The following NHS variants were observed in gnomAD, a reference collection of about 807,000 sequenced individuals.
The protein encoded by NHS is NHS actin remodeling regulator.
NHS carries 5 observed loss-of-function variants against 72.5 expected under a neutral mutation model. The observed-to-expected ratio is 0.07, with a 90% CI of 0.04 to 0.14. The LOEUF (loss-of-function observed/expected upper bound fraction) is 0.14. Ranked by LOEUF, NHS falls within the 10% of genes least tolerant of loss-of-function variation. The pLI is 1.00. For synonymous variants in NHS, 464 were observed against 547.7 expected (o/e 0.85, Z 2.13); for missense variants, 1,072 against 1,355.7 (o/e 0.79, Z 3.29).
At chrX:17,389,428 A>G (rs1436727897) in intron 1 of NHS, among the ~76,000 whole-genome samples, 1 of 111,022 alleles carries the variant, frequency 9.0e-6, no homozygotes, top group Non-Finnish European at 1.9e-5. Context: ...ATCCAAGACA[A>G]ATTGAAATAG....
At chrX:17,526,021 T>A (rs757593889) in intron 1 of NHS, among the ~76,000 whole-genome samples, 2 of 112,464 alleles carry the variant, frequency 1.8e-5, no homozygotes, top group Non-Finnish European at 3.8e-5. Context: ...GGAATGTGCA[T>A]GTGTGTATAC....
At chrX:17,434,766 C>T (rs1037951645) in intron 1 of NHS, among the ~76,000 whole-genome samples, 1 of 111,777 alleles carries the variant, frequency 8.9e-6, no homozygotes, top group Non-Finnish European at 1.9e-5. Context: ...TATTAAGCAC[C>T]TACTCTGGCC....
At chrX:17,678,293 TGAGAGA>T (rs756746897) in intron 1 of NHS, among the ~76,000 whole-genome samples, 2 of 101,868 alleles carry the variant, frequency 2.0e-5, no homozygotes, top group Non-Finnish European at 4.0e-5. Context: ...TGTGTGTGTG[TGAGAGA>T]GAGAGAGAGA....
At chrX:17,719,127 AAGG>A (rs2066389654) in intron 3 of NHS, 1 of 316,596 alleles carries the variant, frequency 3.2e-6, no homozygotes, top group Admixed American at 4.9e-5. Context: ...AGGAAGAAAT[AAGG>A]AGAAGAAAGG....
intron 3 of NHS, 58 bp downstream of exon 3, chrX:17,692,526 C>G (rs2066203621): frequency 8.4e-7 from 1 of 1,196,758 alleles, no homozygotes; most frequent in East Asian, 3.0e-5. Flanking sequence ...ATCAGTTTGT[C>G]TGGGAGTCAG....
chrX:17,440,471 C>T (rs1246992935), intron 1 of NHS, among the ~76,000 whole-genome samples: 1 of 110,151 alleles, frequency 9.1e-6, no homozygotes, highest in Admixed American at 9.7e-5. Flanking sequence ...GTTCACAAGT[C>T]TGGGAGATTT....
chrX:17,380,471 G>GC (rs1393189070), intron 1 of NHS, among the ~76,000 whole-genome samples: 2 of 108,846 alleles, frequency 1.8e-5, no homozygotes, highest in Non-Finnish European at 3.8e-5. Context: ...TCCCATCTCG[G>GC]CCCCCCAAGT....
At chrX:17,531,539 C>A (rs1266698937) in intron 1 of NHS, among the ~76,000 whole-genome samples, 2 of 112,362 alleles carry the variant, frequency 1.8e-5, no homozygotes, top group African/African-American at 3.2e-5. Flanking sequence ...TCCAAGTGAC[C>A]TATTCAAAGT....
At chrX:17,708,379 ACCT>A (rs2066308584) in intron 3 of NHS, among the ~76,000 whole-genome samples, 1 of 110,724 alleles carries the variant, frequency 9.0e-6, no homozygotes, top group African/African-American at 3.3e-5. Context: ...TCTCCAGAAA[ACCT>A]CCTGTACTCT....
chrX:17,542,105 G>C (rs776962245), intron 1 of NHS, among the ~76,000 whole-genome samples: 1 of 112,464 alleles, frequency 8.9e-6, no homozygotes, highest in Non-Finnish European at 1.9e-5. Flanking sequence ...TGATCTTCTT[G>C]GTTTGACAAG....
At chrX:17,681,124 T>C (rs1365337262) in intron 1 of NHS, among the ~76,000 whole-genome samples, 1 of 111,556 alleles carries the variant, frequency 9.0e-6, no homozygotes, top group Non-Finnish European at 1.9e-5. Context: ...TTTCCAGAAA[T>C]GAGACCCTCA....
chrX:17,438,093 T>C (rs2064732827), intron 1 of NHS, among the ~76,000 whole-genome samples: 1 of 112,584 alleles, frequency 8.9e-6, no homozygotes, highest in South Asian at 3.7e-4. Flanking sequence ...GTGTATTGTT[T>C]AGGCTGGTGC....
At chrX:17,535,127 G>A (rs753371802) in intron 1 of NHS, among the ~76,000 whole-genome samples, 1 of 111,273 alleles carries the variant, frequency 9.0e-6, no homozygotes, top group Admixed American at 9.5e-5. Flanking sequence ...TCCCTTCCCC[G>A]TCTCACTTAC....
At chrX:17,522,320 G>A (rs1466499081) in intron 1 of NHS, among the ~76,000 whole-genome samples, 1 of 112,475 alleles carries the variant, frequency 8.9e-6, no homozygotes, top group African/African-American at 3.2e-5. Flanking sequence ...TAGGATAAGG[G>A]GGCGGGAGGA....
chrX:17,430,111 C>CTTCCTTCCTTCCTTCCTTCCTTCA (rs1358028742), intron 1 of NHS, among the ~76,000 whole-genome samples: 27 of 103,034 alleles, frequency 2.6e-4, no homozygotes, highest in African/African-American at 9.4e-4. Context: ...TCCTTCCTTC[C>CTTCCTTCCTTCCTTCCTTCCTTCA]TTCCTTTCCT....
rs766265308 is a variant in NHS at position 17,398,179 on chromosome X, G to A, written c.565+21857G>A. On this transcript the variant is annotated intron_variant, in intron 1 of 8. Transcript: ENST00000676302. Reference sequence around the variant, plus strand: ...GTGTGAAGGTGGGAGTAGGAGAGAGGAATGAGAGGAAAGCTGAACAGAAGT... The same window carrying A: ...GTGTGAAGGTGGGAGTAGGAGAGAGAAATGAGAGGAAAGCTGAACAGAAGT... 3.6e-5 allele frequency among the ~76,000 whole-genome samples: 4 copies of A among 111,855 alleles called. No homozygotes were observed. In the South Asian group the frequency reaches 1.5e-3, roughly 43 times the overall value.
At chrX:17,431,337 T>C (rs929468938) in intron 1 of NHS, among the ~76,000 whole-genome samples, 1 of 111,752 alleles carries the variant, frequency 8.9e-6, no homozygotes, top group African/African-American at 3.3e-5. Context: ...TGGTGGACTG[T>C]CAACTCTGTA....
At chrX:17,548,186 T>C (rs1431615048) in intron 1 of NHS, among the ~76,000 whole-genome samples, 3 of 111,706 alleles carry the variant, frequency 2.7e-5, no homozygotes, top group Non-Finnish European at 5.6e-5. Flanking sequence ...ACAAGGGGGC[T>C]GGCTGGCTAG....
intron 1 of NHS, among the ~76,000 whole-genome samples, chrX:17,550,114 C>T (rs1434449436): frequency 8.9e-6 from 1 of 111,973 alleles, no homozygotes; most frequent in African/African-American, 3.2e-5. Flanking sequence ...AGACACAACT[C>T]TCACCATCTT....
Sources: gnomAD v4.1 joint callset for allele counts (sites outside exome capture counted in the v4.1 genomes callset) on GRCh38, gnomAD v4.1.1 for gene constraint, MANE v1.5 for transcripts, NCBI Gene and HGNC (gene_info 2026-07-23, HGNC 2026-07-21) for gene names.